The following PIDD1 variants were observed in gnomAD, a reference collection of about 807,000 sequenced individuals.
PIDD1 encodes the protein p53-induced death domain protein 1.
In PIDD1, 72 loss-of-function variants were observed where a neutral mutation model predicts 80.0. That is an observed-to-expected ratio of 0.90 (90% CI 0.74 to 1.09). The LOEUF is 1.09. Ranked by LOEUF, PIDD1 falls within the 50% of genes least tolerant of loss-of-function variation. PIDD1 has a pLI of 0.00. For missense variants in PIDD1, 1,329 were observed against 1,228.3 expected (o/e 1.08, Z -1.23); for synonymous variants, 655 against 543.5 (o/e 1.21, Z -2.85).
In PIDD1 at chr11:803,328, C is replaced by T. The variant is rs1270827158; in HGVS notation, c.555G>A (p.Thr185=). Residue 185 remains threonine (T), a synonymous_variant, in exon 3 of 16, where the codon ACG becomes ACA. Coordinates refer to ENST00000347755, the MANE Select transcript of PIDD1 (RefSeq NM_145886.4). ...ATAGGGCCCCCAGTGCTGGGGGCAG[C>T]GTCTGCAGGCGGTTGTGTGTCACTG... ...FLTVTHNRLQ[T]LPPALGALST... The T allele has an allele frequency of 6.2e-6, 10 of 1,613,764 alleles. No homozygotes were observed. The highest frequency in any genetic ancestry group is 5.3e-5 in the African/African-American group (4 of 74,894).
In PIDD1 at chr11:803,689, C is replaced by T. The variant is rs1357999530; in HGVS notation, c.296-102G>A. 5.3e-6 allele frequency: 7 copies of T among 1,318,622 alleles called. No individual in the cohort carries two copies. In the East Asian group the frequency reaches 1.0e-4, roughly 19 times the overall value. 81.7% of individuals were successfully genotyped at this position (1,318,622 alleles called of 1,614,324 possible). ...CAGCTGCTCGAGAGGCACAGACCTCCCACCCCACCCCCACCCCAGCCAGAC... is the reference window on the plus strand; with the variant it reads ...CAGCTGCTCGAGAGGCACAGACCTCTCACCCCACCCCCACCCCAGCCAGAC... On this transcript the variant is annotated intron_variant, in intron 2 of 15. Transcript: ENST00000347755.
upstream of PIDD1, among the ~76,000 whole-genome samples, chr11:809,236 G>A (rs563639578): frequency 5.3e-4 from 81 of 152,344 alleles, no homozygotes; most frequent in Non-Finnish European, 9.3e-4. Context: ...GGCCAGCGCA[G>A]GGGCTGACCA....
rs201224014 is a variant in PIDD1 at position 800,930 on chromosome 11, G to T, written c.1767-18C>A. 2,699 of 1,595,396 alleles carry T rather than the reference G, an allele frequency of 1.7e-3. 9 individuals carry two copies. The highest frequency in any genetic ancestry group is 1.9e-3 in the Non-Finnish European group (2,243 of 1,171,720). On this transcript the variant is annotated intron_variant, in intron 10 of 15. Transcript: ENST00000347755. ...GCCAGTACCTGGGAGAGCTGGGGGT[G>T]AGGAGGGCTGTACAGACTGGGGGAG... is the stretch of plus-strand genomic sequence containing the variant.
intron 2 of PIDD1, chr11:803,796 G>A (rs1865576167): frequency 1.5e-6 from 1 of 646,818 alleles, no homozygotes; most frequent in South Asian, 1.9e-5. Flanking sequence ...CATCTCAGCT[G>A]ACAACCATCA....
At chr11:801,404 T>C in intron 8 of PIDD1, 39 bp from the exon 9 acceptor site, 1 of 1,584,442 alleles carries the variant, frequency 6.3e-7, no homozygotes, top group Non-Finnish European at 8.6e-7. Context: ...GCCTGTGGGC[T>C]GAGGCGCGGC....
intron 1 of PIDD1, 71 bp from the exon 2 acceptor site, chr11:804,534 G>T: frequency 7.1e-7 from 1 of 1,399,574 alleles, no homozygotes; most frequent in Non-Finnish European, 9.4e-7. Flanking sequence ...AGGGACTCTG[G>T]ATGGAGTGGG....
chr11:801,441 A>G lies in PIDD1; in HGVS notation c.1482+4T>C, dbSNP rs1250533383. 16 of 1,553,364 alleles carry G rather than the reference A, an allele frequency of 1.0e-5. No homozygotes were observed. The South Asian group carries it at 1.3e-4, about 13-fold the overall frequency. ...TGCCACCCTCAGTGCTGTCCTGGCC[A>G]TACCTGCATGGAGACTCGACGAGGC... On this transcript the variant is annotated splice_donor_region_variant and intron_variant, in intron 8 of 15. Coordinates refer to ENST00000347755, the MANE Select transcript of PIDD1 (RefSeq NM_145886.4).
At position 802,891 on chromosome 11, in the gene PIDD1, G is replaced by A. The variant is rs1274122362; in HGVS notation, c.710C>T (p.Ala237Val). The change falls in exon 4 of 16, where the codon GCG becomes GTG. Residue 237 changes from alanine (A) to valine (V), a missense_variant and splice_region_variant. Transcript: ENST00000347755. Reference sequence around the variant, plus strand: ...AAGGAGCCGCAAGGACCGAAGTCCCGCTGCGGGCAGTTGCTGGCTTAGGCT... The same window carrying A: ...AAGGAGCCGCAAGGACCGAAGTCCCACTGCGGGCAGTTGCTGGCTTAGGCT... ...NRLQSLPASL[A>V]GLRSLRLLVL... is the part of the protein sequence containing the mutation. The A allele has an allele frequency of 1.4e-5, 22 of 1,558,562 alleles. No homozygotes were observed. The highest frequency in any genetic ancestry group is 2.7e-5 in the African/African-American group (2 of 73,638).
At chr11:803,153 C>T (rs570764673) in intron 3 of PIDD1, 21 bp downstream of exon 3, 15 of 1,539,438 alleles carry the variant, frequency 9.7e-6, no homozygotes, top group Admixed American at 5.4e-5. Context: ...GCCAGTGTGT[C>T]GGGGCGCAGG....
At chr11:806,967 G>A (rs534091716), upstream of PIDD1, among the ~76,000 whole-genome samples, 49 of 152,284 alleles carry the variant, frequency 3.2e-4, no homozygotes, top group African/African-American at 1.1e-3. Flanking sequence ...TGAGGTGGGC[G>A]CATCACTTGA....
At position 799,968 on chromosome 11, in the gene PIDD1, A is replaced by C. The variant is rs1201568749; in HGVS notation, c.2321T>G (p.Leu774Trp). ...EGPRRGAGLSLAPLNLGDAET... is the reference protein window; with the variant it reads ...EGPRRGAGLSWAPLNLGDAET... The stretch of plus-strand genomic sequence containing the variant: ...GGCATCTCCCAGATTCAAGGGTGCC[A>C]AGGAGAGGCCAGCCCCCCGCCGTGG... The change falls in exon 15 of 16, where the codon TTG (leucine) becomes TGG (tryptophan). Residue 774 changes from leucine to tryptophan, a missense_variant. By Grantham distance (61) the Leu-to-Trp change is moderately conservative. Transcript: ENST00000347755. 8 of 1,612,824 alleles carry C rather than the reference A, an allele frequency of 5.0e-6. No homozygotes were observed. The highest frequency in any genetic ancestry group is 1.7e-5 in the Admixed American group (1 of 60,018).
chr11:808,419 CTCAGAAAAAAA>C (rs1865890630), upstream of PIDD1, among the ~76,000 whole-genome samples: 1 of 146,388 alleles, frequency 6.8e-6, no homozygotes, highest in African/African-American at 2.5e-5. Context: ...AGTGGGACTC[CTCAGAAAAAAA>C]GAAAAAAAAA....
chr11:800,648 G>T lies in PIDD1; in HGVS notation c.1936C>A (p.Arg646=), dbSNP rs772084087. The T allele has an allele frequency of 1.9e-6, 3 of 1,589,644 alleles. No homozygotes were observed. The highest frequency in any genetic ancestry group is 2.6e-6 in the Non-Finnish European group (3 of 1,174,018). The change falls in exon 12 of 16, where the codon CGG becomes AGG. Residue 646 remains arginine (R), a synonymous_variant. Transcript: ENST00000347755. The part of the protein sequence containing the change: ...PRNKVDATLR[R]LLERYRGPEP... ...GGGCCCCGGTACCGCTCCAGCAGCC[G>T]CCGAAGGGTGGCGTCCACCTGCGGG...
rs1427628817 is a variant in PIDD1, at chr11:800,567, C to T, written c.2017G>A (p.Glu673Lys). The change falls in exon 12 of 16, where the codon GAG (glutamate) becomes AAG (lysine). Residue 673 changes from glutamate to lysine, a missense_variant. Coordinates refer to ENST00000347755, the MANE Select transcript of PIDD1 (RefSeq NM_145886.4). ...FEGEEFFAAF[E>K]RGIDVDADRP... Reference sequence around the variant, plus strand: ...CCAGCATCCACGTCGATGCCGCGCTCGAAGGCCGCAAAGAACTCTTCGCCC... The same window carrying T: ...CCAGCATCCACGTCGATGCCGCGCTTGAAGGCCGCAAAGAACTCTTCGCCC... 26 of 1,557,308 alleles carry T rather than the reference C, an allele frequency of 1.7e-5. No homozygotes were observed. The highest frequency in any genetic ancestry group is 2.8e-5 in the African/African-American group (2 of 70,326).
Position 801,003 on chromosome 11 carries a change from T to C in PIDD1, c.1748A>G (p.Gln583Arg), listed in dbSNP as rs768934115. ...LELTHLYARF[Q>R]VTHFSWYWLW... ...CACTGACCAGGAGAAGTGTGTGACC[T>C]GGAAGCGTGCGTACAGGTGGGTGAG... is the stretch of plus-strand genomic sequence containing the variant. Residue 583 changes from glutamine (Q) to arginine (R), a missense_variant, in exon 10 of 16, where the codon CAG (glutamine) becomes CGG (arginine). Coordinates refer to ENST00000347755, the MANE Select transcript of PIDD1 (RefSeq NM_145886.4). 1 of 1,604,360 alleles carries C rather than the reference T, an allele frequency of 6.2e-7. No homozygotes were observed.
At chr11:801,928 T>C (rs1236860797) in intron 7 of PIDD1, 37 bp downstream of exon 7, 4 of 1,593,606 alleles carry the variant, frequency 2.5e-6, no homozygotes, top group Non-Finnish European at 3.4e-6. Flanking sequence ...GGGCAGCAGC[T>C]CTCCACTCGC....
At position 801,690 on chromosome 11, in the gene PIDD1, G is replaced by A. The variant is rs539135179; in HGVS notation, c.1303-66C>T. On this transcript the variant is annotated intron_variant, in intron 7 of 15. Coordinates refer to ENST00000347755, the MANE Select transcript of PIDD1 (RefSeq NM_145886.4). The stretch of plus-strand genomic sequence containing the variant: ...GGGCACAGCCAGTCAGGGACACAGG[G>A]AGCAGGATCCAGGAGAGACGGGGCG... 6 of 1,375,100 alleles carry A rather than the reference G, an allele frequency of 4.4e-6. No individual in the cohort carries two copies. In the African/African-American group the frequency reaches 7.2e-5, roughly 16 times the overall value. The allele number at this position is 1,375,100 out of a possible 1,614,324, so 85.2% of individuals were successfully genotyped here. A position where few individuals can be genotyped will look rare whatever the true frequency, so the allele number is the denominator to read the frequency against.
At position 802,182 on chromosome 11, in the gene PIDD1, G is replaced by A. The variant is rs1231754433; in HGVS notation, c.1176+13C>T. 8 of 1,591,956 alleles carry A rather than the reference G, an allele frequency of 5.0e-6. No individual in the cohort carries two copies. Among genetic ancestry groups the A allele is most frequent in the African/African-American group, 1.3e-5 (1 of 74,696 alleles). On this transcript the variant is annotated intron_variant, in intron 6 of 15. Coordinates refer to ENST00000347755, the MANE Select transcript of PIDD1 (RefSeq NM_145886.4). ...CTGGCCCACACACTGCCCCCGCCAC[G>A]CCCTGTCCATGCCTGCTGGAAGGCC...
chr11:801,685 A>T, intron 7 of PIDD1, 61 bp from the exon 8 acceptor site: 1 of 1,398,700 alleles, frequency 7.1e-7, no homozygotes, highest in Non-Finnish European at 9.9e-7. Context: ...AGTCAGGGAC[A>T]CAGGGAGCAG....
Sources: gnomAD v4.1 joint callset for allele counts (sites outside exome capture counted in the v4.1 genomes callset) on GRCh38, gnomAD v4.1.1 for gene constraint, MANE v1.5 for transcripts, NCBI Gene and HGNC (gene_info 2026-07-23, HGNC 2026-07-21) for gene names.